The following PCDHGB3 variants were observed in gnomAD, a reference collection of about 807,000 sequenced individuals.
The protein encoded by PCDHGB3 is protocadherin gamma-B3.
In PCDHGB3, 40 loss-of-function variants were observed where a neutral mutation model predicts 59.2. The ratio of observed to expected loss-of-function variants is 0.68; its 90% CI spans 0.52 to 0.88. The LOEUF (loss-of-function observed/expected upper bound fraction) is 0.88, where lower values mean the gene tolerates loss of function less well. Among genes scored for constraint, PCDHGB3 ranks in the 40% least tolerant of loss-of-function variants. The pLI, the probability that PCDHGB3 is intolerant of heterozygous loss-of-function variation, is 0.00. For missense variants in PCDHGB3, 1,309 were observed against 1,187.9 expected (o/e 1.10, Z -1.50); for synonymous variants, 581 against 503.6 (o/e 1.15, Z -2.06).
rs1384424498 is a variant in PCDHGB3, at chr5:141,431,677, G to A, written c.2415+58868G>A. On this transcript the variant is annotated intron_variant, in intron 1 of 3. Coordinates refer to ENST00000576222, the MANE Select transcript of PCDHGB3 (RefSeq NM_018924.5). This position sits in a 1 kb window ranked among gnomAD's most constrained non-coding sequence, Gnocchi z 4.8. The stretch of plus-strand genomic sequence containing the variant: ...CAGGGACAATATCAACAATAGGGGA[G>A]TTGGACCACGAGGAGTCAGGATTCT... 2 of 1,614,236 alleles carry A rather than the reference G, an allele frequency of 1.2e-6. No homozygotes were observed. The highest frequency in any genetic ancestry group is 1.7e-6 in the Non-Finnish European group (2 of 1,180,050).
chr5:141,441,230 ATTTAAATCACAAGATC>A (rs1009424536), intron 1 of PCDHGB3: 1 of 152,196 alleles, frequency 6.6e-6, no homozygotes, highest in African/African-American at 2.4e-5. Context: ...ACTGTCCAGG[ATTTAAATCACAAGATC>A]TTTAAATCAC....
At position 141,491,752 on chromosome 5, in the gene PCDHGB3, G is replaced by C. The variant is rs1464731659; in HGVS notation, c.2416-3055G>C. 6 of 1,586,646 alleles carry C rather than the reference G, an allele frequency of 3.8e-6. No homozygotes were observed. The African/African-American group carries it at 8.1e-5, about 21-fold the overall frequency. On this transcript the variant is annotated intron_variant, in intron 1 of 3. Transcript: ENST00000576222. The surrounding 1 kb of genome is among the most constrained non-coding windows in gnomAD (Gnocchi z 6.9). ...GACCCCTGGGGGCGGCACTGGAGAA[G>C]CCGCCCGTCCTCATAAGGGATTGAA...
chr5:141,454,796 A>ATTTTTTTTTTTTTTTTTTTTTTTTTTTT (rs61612330), intron 1 of PCDHGB3, among the ~76,000 whole-genome samples: 3 of 77,456 alleles, frequency 3.9e-5, no homozygotes, highest in Admixed American at 1.8e-4. Flanking sequence ...CATGGTTCTA[A>ATTTTTTTTTTTTTTTTTTTTTTTTTTTT]TTTTTTTTTT....
At chr5:141,430,653 A>G (rs2097300223) in intron 1 of PCDHGB3, 4 of 1,073,410 alleles carry the variant, frequency 3.7e-6, no homozygotes, top group Middle Eastern at 2.4e-4. Context: ...TGTGGAAACA[A>G]CGGAGGAGCT....
In PCDHGB3 at chr5:141,477,074, A is replaced by G; in HGVS notation, c.2416-17733A>G. Reference sequence around the variant, plus strand: ...CTTCGAGGACACCAAACTCCATGAGATTTACATCCAGGCCAAAGACAAGGG... The same window carrying G: ...CTTCGAGGACACCAAACTCCATGAGGTTTACATCCAGGCCAAAGACAAGGG... On this transcript the variant is annotated intron_variant, in intron 1 of 3. Coordinates refer to ENST00000576222, the MANE Select transcript of PCDHGB3 (RefSeq NM_018924.5). This position sits in a 1 kb window ranked among gnomAD's most constrained non-coding sequence, Gnocchi z 4.9. 1 of 1,614,250 alleles carries G rather than the reference A, an allele frequency of 6.2e-7. No homozygotes were observed.
intron 1 of PCDHGB3, chr5:141,407,992 G>A (rs929571955): frequency 4.3e-5 from 37 of 851,508 alleles, no homozygotes; most frequent in Middle Eastern, 3.7e-4. Context: ...GTCAGCCTCT[G>A]GCCTGGGATT....
chr5:141,415,432 T>G, intron 1 of PCDHGB3: 1 of 1,614,222 alleles, frequency 6.2e-7, no homozygotes, highest in East Asian at 2.2e-5. Flanking sequence ...GGTTCGGGCT[T>G]TCCTGCAGAC....
chr5:141,431,239 G>A lies in PCDHGB3; in HGVS notation c.2415+58430G>A. 6.2e-7 allele frequency: 1 copy of A among 1,614,152 alleles called. No homozygotes were observed. The highest frequency in any genetic ancestry group is 1.3e-5 in the African/African-American group (1 of 75,062). On this transcript the variant is annotated intron_variant, in intron 1 of 3. Transcript: ENST00000576222. This position sits in a 1 kb window ranked among gnomAD's most constrained non-coding sequence, Gnocchi z 4.8. ...TCCCTCTACCCCACGCCTGGGATCC[G>A]GATATCGGGAAGAACTCTCTGCAGA...
chr5:141,494,921 A>C (rs1345734925), intron 2 of PCDHGB3, 56 bp downstream of exon 2: 6 of 1,613,556 alleles, frequency 3.7e-6, no homozygotes, highest in Non-Finnish European at 5.1e-6. Flanking sequence ...CTCAGGGATG[A>C]CGTGGGAGGA....
rs750036800 is a variant in PCDHGB3, at chr5:141,419,495, G to A, written c.2415+46686G>A. On this transcript the variant is annotated intron_variant, in intron 1 of 3. Coordinates refer to ENST00000576222, the MANE Select transcript of PCDHGB3 (RefSeq NM_018924.5). ...GGGCTCGCCCGCGCTCAGCGCCAAT[G>A]TGAGCCTGCGCGTGTTGGTGGGCGA... The A allele has an allele frequency of 5.0e-6, 8 of 1,612,432 alleles. No individual in the cohort carries two copies. The Admixed American group carries it at 1.3e-4, about 27-fold the overall frequency.
At chr5:141,395,525 G>T in intron 1 of PCDHGB3, 1 of 384,022 alleles carries the variant, frequency 2.6e-6, no homozygotes, top group Non-Finnish European at 4.6e-6. Context: ...CGTCCATACT[G>T]GTAATTTTGC....
chr5:141,379,340 TC>T (rs1433489240), intron 1 of PCDHGB3: 1 of 152,232 alleles, frequency 6.6e-6, no homozygotes, highest in Non-Finnish European at 1.5e-5. Flanking sequence ...TCTTCAAAGC[TC>T]ATTTTCTTGT....
chr5:141,507,101 T>C (rs1341285140), intron 3 of PCDHGB3: 2 of 152,204 alleles, frequency 1.3e-5, no homozygotes, highest in African/African-American at 2.4e-5. Flanking sequence ...CTTTCTACTA[T>C]AGGGACCATG....
At chr5:141,387,967 C>G in intron 1 of PCDHGB3, 1 of 1,489,226 alleles carries the variant, frequency 6.7e-7, no homozygotes, top group Non-Finnish European at 9.0e-7. Flanking sequence ...TTCTGCCCGG[C>G]GCTCTGTGAG....
At chr5:141,400,031 G>T in intron 1 of PCDHGB3, 1 of 1,613,082 alleles carries the variant, frequency 6.2e-7, no homozygotes, top group Admixed American at 1.7e-5. Flanking sequence ...GACGCGGCCC[G>T]CCAGCGCCTG....
chr5:141,387,736 A>C, intron 1 of PCDHGB3: 3 of 1,307,572 alleles, frequency 2.3e-6, no homozygotes, highest in East Asian at 2.5e-5. Flanking sequence ...GCCAGCCTTT[A>C]CACCGCTTCC....
rs1243232069 is a variant in PCDHGB3 at position 141,490,842 on chromosome 5, G to A, written c.2416-3965G>A. Reference sequence around the variant, plus strand: ...TGCTGCAGATGCTGCAGATTGTGGTGGGGGTTCGAGACTCCGGCTCTCCCC... The same window carrying A: ...TGCTGCAGATGCTGCAGATTGTGGTAGGGGTTCGAGACTCCGGCTCTCCCC... On this transcript the variant is annotated intron_variant, in intron 1 of 3. Transcript: ENST00000576222. The surrounding 1 kb of genome is among the most constrained non-coding windows in gnomAD (Gnocchi z 5.4). 4.3e-6 allele frequency: 7 copies of A among 1,613,844 alleles called. No homozygotes were observed. In the South Asian group the frequency reaches 6.6e-5, roughly 15 times the overall value.
At position 141,371,622 on chromosome 5, in the gene PCDHGB3, C is replaced by G. The variant is rs1198446488; in HGVS notation, c.1228C>G (p.Leu410Val). 6.2e-7 allele frequency: 1 copy of G among 1,613,888 alleles called. No homozygotes were observed. The highest frequency in any genetic ancestry group is 1.3e-5 in the African/African-American group (1 of 74,928). Residue 410 changes from leucine to valine, a missense_variant, in exon 1 of 4, where the codon CTG becomes GTG. Physicochemically the swap from Leu to Val is conservative, Grantham distance 32. Coordinates refer to ENST00000576222, the MANE Select transcript of PCDHGB3 (RefSeq NM_018924.5). ...NTYRLVTDGA[L>V]DREQIPEYNV... ...ATACAGGTTGGTGACAGATGGAGCCCTGGACCGGGAGCAGATCCCAGAATA... is the reference window on the plus strand; with the variant it reads ...ATACAGGTTGGTGACAGATGGAGCCGTGGACCGGGAGCAGATCCCAGAATA...
chr5:141,375,347 G>C, intron 1 of PCDHGB3: 2 of 1,613,852 alleles, frequency 1.2e-6, no homozygotes, highest in Non-Finnish European at 1.7e-6. Flanking sequence ...CAACATCACT[G>C]TGACAGCCAC....
Sources: allele counts gnomAD v4.1 joint callset (sites outside exome capture counted in the v4.1 genomes callset), GRCh38; gene constraint gnomAD v4.1.1; non-coding constraint Gnocchi (gnomAD v3.1); transcripts MANE v1.5; gene names NCBI Gene and HGNC (gene_info 2026-07-23, HGNC 2026-07-21).